Variants in GALNT17 observed in about 807,000 individuals in gnomAD.
GALNT17 encodes UDP-GalNAc:polypeptide N-acetylgalactosaminyltransferase-like 3.
A neutral mutation model predicts 63.7 loss-of-function variants in GALNT17; 29 were observed. The ratio of observed to expected loss-of-function variants is 0.46; its 90% CI spans 0.34 to 0.62. The LOEUF is 0.62. Among genes scored for constraint, GALNT17 ranks in the 20% least tolerant of loss-of-function variants. The probability of loss-of-function intolerance (pLI) is 0.01; values close to 1 mark genes in which losing one functional copy is unlikely to be tolerated. For missense variants in GALNT17, 603 were observed against 799.6 expected, an observed-to-expected ratio of 0.75 and a Z score of 2.97; for synonymous variants, 305 against 318.3, an observed-to-expected ratio of 0.96 and a Z score of 0.45.
Position 71,549,518 on chromosome 7 carries a change from G to T in GALNT17, c.963-21767G>T, listed in dbSNP as rs948415239. On this transcript the variant is annotated intron_variant, in intron 5 of 10. Transcript: ENST00000333538. ...TGAGCCTAAGGAGTTTGATGCTGCA[G>T]TGAGCTACGATCATGCCATTGCATT... Among the ~76,000 whole-genome samples, 8 of 152,284 alleles carry T rather than the reference G, an allele frequency of 5.3e-5. No homozygotes were observed. In the East Asian group the frequency reaches 7.7e-4, roughly 15 times the overall value.
chr7:71,588,631 C>T (rs1789754078), intron 6 of GALNT17, among the ~76,000 whole-genome samples: 2 of 149,268 alleles, frequency 1.3e-5, no homozygotes, highest in Non-Finnish European at 2.9e-5. Flanking sequence ...ACCAAACACT[C>T]TGCTTTTAGG....
intron 5 of GALNT17, among the ~76,000 whole-genome samples, chr7:71,470,064 C>G (rs945812722): frequency 6.6e-6 from 1 of 152,098 alleles, no homozygotes; most frequent in Non-Finnish European, 1.5e-5. Context: ...AAAAACGTAG[C>G]CGTGCATGGT....
At chr7:71,479,206 T>C (rs551380878) in intron 5 of GALNT17, among the ~76,000 whole-genome samples, 61 of 151,614 alleles carry the variant, frequency 4.0e-4, no homozygotes, top group African/African-American at 1.2e-3. Context: ...AGTAGCTTTA[T>C]AAGAAGGGCT....
At chr7:71,388,082 G>T (rs992262645) in intron 2 of GALNT17, among the ~76,000 whole-genome samples, 153 bp from the exon 3 acceptor site, 21 of 152,028 alleles carry the variant, frequency 1.4e-4, no homozygotes, top group African/African-American at 4.8e-4. Flanking sequence ...TTTATTCTCA[G>T]TTCTTAGCCA....
chr7:71,255,549 C>T (rs537430354), intron 1 of GALNT17, among the ~76,000 whole-genome samples: 6 of 152,200 alleles, frequency 3.9e-5, no homozygotes, highest in African/African-American at 1.4e-4. Flanking sequence ...CTTCTGCCTC[C>T]CCTGAAGGAG....
intron 5 of GALNT17, among the ~76,000 whole-genome samples, chr7:71,509,519 G>C (rs886864613): frequency 6.6e-5 from 10 of 152,152 alleles, no homozygotes; most frequent in Admixed American, 6.5e-4. Flanking sequence ...TGACCAAGTG[G>C]GTATAATTAT....
At chr7:71,709,136 AC>A (rs1791757651) in intron 9 of GALNT17, among the ~76,000 whole-genome samples, 1 of 152,142 alleles carries the variant, frequency 6.6e-6, no homozygotes, top group Non-Finnish European at 1.5e-5. Context: ...AAGTCTCCAA[AC>A]TTCTTTCCAC....
chr7:71,359,000 C>G (rs1395403153), intron 2 of GALNT17, among the ~76,000 whole-genome samples: 2 of 152,194 alleles, frequency 1.3e-5, no homozygotes, highest in Non-Finnish European at 2.9e-5. Flanking sequence ...GTCTCAAACT[C>G]CTGACCTCAA....
intron 6 of GALNT17, 79 bp from the exon 7 acceptor site, chr7:71,665,332 C>T: frequency 7.0e-7 from 1 of 1,424,600 alleles, no homozygotes; most frequent in Non-Finnish European, 9.5e-7. Context: ...GTCAGCTGAA[C>T]CATTGCTTTT....
intron 1 of GALNT17, among the ~76,000 whole-genome samples, chr7:71,208,449 CTTTTTT>C (rs11341410): frequency 8.8e-6 from 1 of 113,468 alleles, no homozygotes; most frequent in Admixed American, 9.2e-5. Context: ...TTAATAAATG[CTTTTTT>C]TTTTTTTTTT....
intron 9 of GALNT17, chr7:71,685,575 G>GTCT (rs1791340093): frequency 6.6e-6 from 1 of 152,156 alleles, no homozygotes; most frequent in African/African-American, 2.4e-5. Flanking sequence ...CCAAAGACTG[G>GTCT]TCTTCCTCTA....
intron 9 of GALNT17, among the ~76,000 whole-genome samples, chr7:71,677,677 G>C (rs2117067964): frequency 6.6e-6 from 1 of 152,072 alleles, no homozygotes; most frequent in South Asian, 2.1e-4. Context: ...ACTGCGCCCA[G>C]CTAATTTTTT....
chr7:71,694,384 G>A (rs1484359143), intron 9 of GALNT17, among the ~76,000 whole-genome samples: 1 of 144,474 alleles, frequency 6.9e-6, no homozygotes, highest in African/African-American at 2.6e-5. Context: ...TTGAGATGGA[G>A]TCTCACTCTG....
At chr7:71,590,282 C>A (rs960424700) in intron 6 of GALNT17, among the ~76,000 whole-genome samples, 1 of 152,144 alleles carries the variant, frequency 6.6e-6, no homozygotes, top group African/African-American at 2.4e-5. Context: ...ATAGCCAAAC[C>A]ATTTACTCTA....
Position 71,132,529 on chromosome 7 carries a change from G to A in GALNT17, c.-274G>A. 3 of 435,332 alleles carry A rather than the reference G, an allele frequency of 6.9e-6. No homozygotes were observed. Among genetic ancestry groups the A allele is most frequent in the Non-Finnish European group, 1.2e-5 (3 of 245,316 alleles). The allele number at this position is 435,332 out of a possible 1,614,324, so 27.0% of individuals were successfully genotyped here. A position where few individuals can be genotyped will look rare whatever the true frequency, so the allele number is the denominator to read the frequency against. On this transcript the variant is annotated 5_prime_UTR_variant, in exon 1 of 11. Transcript: ENST00000333538. ...CAAATCCCTGGCCTTTCGCGGAGACGCCTGGACGGGGCCGTGCGCCGTGGA... is the reference window on the plus strand; with the variant it reads ...CAAATCCCTGGCCTTTCGCGGAGACACCTGGACGGGGCCGTGCGCCGTGGA...
At chr7:71,396,120 A>G (rs1274430340) in intron 3 of GALNT17, among the ~76,000 whole-genome samples, 2 of 152,140 alleles carry the variant, frequency 1.3e-5, no homozygotes, top group Non-Finnish European at 2.9e-5. Flanking sequence ...TAATTTTGAT[A>G]AAGTCCAGTT....
chr7:71,246,400 G>T (rs980418919), intron 1 of GALNT17, among the ~76,000 whole-genome samples: 1 of 151,740 alleles, frequency 6.6e-6, no homozygotes, highest in East Asian at 2.0e-4. Flanking sequence ...TGGGATTACA[G>T]GTGTGAGCCA....
intron 1 of GALNT17, among the ~76,000 whole-genome samples, chr7:71,219,594 GC>G (rs1789547121): frequency 6.6e-6 from 1 of 152,000 alleles, no homozygotes; most frequent in Non-Finnish European, 1.5e-5. Context: ...ATTTCCAAGA[GC>G]CTTTCTTATT....
intron 1 of GALNT17, among the ~76,000 whole-genome samples, chr7:71,313,097 G>A (rs559250195): frequency 6.6e-5 from 10 of 152,196 alleles, no homozygotes; most frequent in African/African-American, 2.2e-4. Context: ...GCAACAGAGC[G>A]AGACCCCGTA....
Sources: allele counts gnomAD v4.1 joint callset (sites outside exome capture counted in the v4.1 genomes callset), GRCh38; gene constraint gnomAD v4.1.1; transcripts MANE v1.5; gene names NCBI Gene and HGNC (gene_info 2026-07-23, HGNC 2026-07-21).